The following KCNU1 variants were observed in gnomAD, a reference collection of about 807,000 sequenced individuals.
The protein encoded by KCNU1 is potassium channel subfamily U member 1.
In KCNU1, 93 loss-of-function variants were observed where a neutral mutation model predicts 126.8. The observed-to-expected ratio is 0.73, with a 90% CI of 0.62 to 0.87. The LOEUF (loss-of-function observed/expected upper bound fraction) is 0.87, where lower values mean the gene tolerates loss of function less well. Ranked by LOEUF, KCNU1 falls within the 40% of genes least tolerant of loss-of-function variation. The probability of loss-of-function intolerance (pLI) is 0.00; values close to 1 mark genes in which losing one functional copy is unlikely to be tolerated. For missense variants in KCNU1, 1,330 were observed against 1,367.1 expected (o/e 0.97, Z 0.43); for synonymous variants, 523 against 494.2 (o/e 1.06, Z -0.77).
intron 22 of KCNU1, among the ~76,000 whole-genome samples, chr8:36,913,531 G>A (rs1807970159): frequency 6.6e-6 from 1 of 152,064 alleles, no homozygotes; most frequent in Non-Finnish European, 1.5e-5. Flanking sequence ...GATGCAGATA[G>A]GCTCTAAGGA....
intron 10 of KCNU1, among the ~76,000 whole-genome samples, chr8:36,825,958 T>C (rs1585420929): frequency 6.6e-6 from 1 of 152,222 alleles, no homozygotes; most frequent in Non-Finnish European, 1.5e-5. Flanking sequence ...TTTTACTTAA[T>C]ATGGTTGTAT....
At chr8:36,902,859 T>C (rs953566424) in intron 19 of KCNU1, among the ~76,000 whole-genome samples, 4 of 152,228 alleles carry the variant, frequency 2.6e-5, no homozygotes, top group Admixed American at 6.5e-5. Context: ...TTGGAGCACA[T>C]GGCTTATAGA....
At chr8:36,794,721 G>A (rs1416582035) in intron 2 of KCNU1, among the ~76,000 whole-genome samples, 1 of 151,984 alleles carries the variant, frequency 6.6e-6, no homozygotes, top group East Asian at 1.9e-4. Context: ...CCAGGAGTTT[G>A]AGACCAGCCT....
chr8:36,846,663 G>T (rs1177553684), intron 18 of KCNU1, among the ~76,000 whole-genome samples: 1 of 151,888 alleles, frequency 6.6e-6, no homozygotes, highest in African/African-American at 2.4e-5. Flanking sequence ...TTAGCTGGGC[G>T]TGGCAGCGTG....
intron 19 of KCNU1, among the ~76,000 whole-genome samples, chr8:36,875,979 C>A (rs548007415): frequency 1.3e-5 from 2 of 152,220 alleles, no homozygotes; most frequent in East Asian, 3.9e-4. Flanking sequence ...TTGAGAAATT[C>A]TTTAATGGAT....
chr8:36,839,567 C>T (rs1428662012), intron 14 of KCNU1, among the ~76,000 whole-genome samples: 2 of 152,118 alleles, frequency 1.3e-5, no homozygotes, highest in South Asian at 2.1e-4. Context: ...ATAGTCTGTC[C>T]TTTTTCGTAG....
intron 14 of KCNU1, among the ~76,000 whole-genome samples, chr8:36,838,255 T>C (rs1219740638): frequency 1.3e-5 from 2 of 152,218 alleles, no homozygotes; most frequent in Non-Finnish European, 2.9e-5. Flanking sequence ...CAATATTTCT[T>C]GTGATTATTG....
At chr8:36,897,898 C>A (rs1807261018) in intron 19 of KCNU1, among the ~76,000 whole-genome samples, 1 of 152,120 alleles carries the variant, frequency 6.6e-6, no homozygotes, top group East Asian at 1.9e-4. Context: ...GGGGAGGACT[C>A]CATGTCGTGA....
chr8:36,935,655 C>T lies in KCNU1; in HGVS notation c.3185C>T (p.Ala1062Val). 3 of 1,613,412 alleles carry T rather than the reference C, an allele frequency of 1.9e-6. No homozygotes were observed. The highest frequency in any genetic ancestry group is 2.5e-6 in the Non-Finnish European group (3 of 1,179,556). ...AAGTCATATGAAATTGTAAATAAAGCATCACAGACAACAGAGACACATTCA... is the reference window on the plus strand; with the variant it reads ...AAGTCATATGAAATTGTAAATAAAGTATCACAGACAACAGAGACACATTCA... ...LQKSYEIVNKASQTTETHSDT... is the reference protein window; with the variant it reads ...LQKSYEIVNKVSQTTETHSDT... The change falls in exon 27 of 27, where the codon GCA (alanine) becomes GTA (valine). Residue 1062 changes from alanine to valine, a missense_variant. Transcript: ENST00000399881.
chr8:36,921,679 AAG>A (rs1808354865), intron 23 of KCNU1, among the ~76,000 whole-genome samples: 1 of 149,658 alleles, frequency 6.7e-6, no homozygotes, highest in Admixed American at 6.7e-5. Context: ...AAAAAAAAAA[AAG>A]AAGAGTCTAG....
At chr8:36,870,010 TA>T (rs756403905) in intron 19 of KCNU1, among the ~76,000 whole-genome samples, 2 of 152,128 alleles carry the variant, frequency 1.3e-5, no homozygotes, top group Non-Finnish European at 2.9e-5. Context: ...ATGCAGTAGT[TA>T]CCATTGGTAA....
At chr8:36,790,670 A>G (rs1000771107) in intron 2 of KCNU1, among the ~76,000 whole-genome samples, 2 of 152,128 alleles carry the variant, frequency 1.3e-5, no homozygotes, top group African/African-American at 4.8e-5. Flanking sequence ...GGATAAAACA[A>G]AGTTGTCAAA....
chr8:36,787,503 T>G, intron 2 of KCNU1, 78 bp downstream of exon 2: 2 of 1,397,616 alleles, frequency 1.4e-6, no homozygotes, highest in Non-Finnish European at 1.9e-6. Context: ...ATCAATTGAT[T>G]CCCTAGGTAA....
At chr8:36,883,768 A>G (rs142068448) in intron 19 of KCNU1, among the ~76,000 whole-genome samples, 14 of 152,124 alleles carry the variant, frequency 9.2e-5, no homozygotes, top group Non-Finnish European at 1.6e-4. Flanking sequence ...TCCAGCCTGG[A>G]TTGCAGAGCC....
At chr8:36,843,187 G>A (rs1446542728) in intron 16 of KCNU1, among the ~76,000 whole-genome samples, 3 of 152,132 alleles carry the variant, frequency 2.0e-5, no homozygotes, top group Non-Finnish European at 4.4e-5. Context: ...GGACATCACA[G>A]ACCAGAAACA....
chr8:36,794,039 G>A (rs931997599), intron 2 of KCNU1, among the ~76,000 whole-genome samples: 3 of 138,478 alleles, frequency 2.2e-5, no homozygotes, highest in African/African-American at 8.5e-5. Flanking sequence ...GGGTGACAGA[G>A]CGAGACTCTG....
chr8:36,935,526 C>A lies in KCNU1; in HGVS notation c.3056C>A (p.Thr1019Asn), dbSNP rs763133662. The A allele has an allele frequency of 1.9e-6, 3 of 1,596,758 alleles. No individual in the cohort carries two copies. In the South Asian group the frequency reaches 3.4e-5, roughly 18 times the overall value. Residue 1019 changes from threonine to asparagine, a missense_variant, in exon 27 of 27, where the codon ACC becomes AAC. This residue lies in a region of KCNU1 where 1,054 missense variants were observed against 1,053.9 expected (regional missense o/e 1.00). Transcript: ENST00000399881. ...GACTTGTCTTACAGGTTTGTGATCACCCGGCCAGCCAATGAGTTCAAGCTG... is the reference window on the plus strand; with the variant it reads ...GACTTGTCTTACAGGTTTGTGATCAACCGGCCAGCCAATGAGTTCAAGCTG... ...LNPENKRFVI[T>N]RPANEFKLLP...
intron 14 of KCNU1, among the ~76,000 whole-genome samples, chr8:36,839,997 T>G (rs1272602025): frequency 6.6e-6 from 1 of 152,258 alleles, no homozygotes; most frequent in East Asian, 1.9e-4. Flanking sequence ...TTTGAACTTA[T>G]GAAGGGTTCT....
intron 10 of KCNU1, 125 bp downstream of exon 10, chr8:36,817,885 C>T: frequency 1.8e-6 from 1 of 544,110 alleles, no homozygotes; most frequent in Non-Finnish European, 3.3e-6. Flanking sequence ...ATAAACAAAA[C>T]AAAAAAGAAA....
Sources: gnomAD v4.1 joint callset for allele counts (sites outside exome capture counted in the v4.1 genomes callset) on GRCh38, gnomAD v4.1.1 for gene constraint, gnomAD v4.1.1 regional missense constraint, MANE v1.5 for transcripts, NCBI Gene and HGNC (gene_info 2026-07-23, HGNC 2026-07-21) for gene names.